Variants in LINGO2 observed in about 807,000 individuals in gnomAD.
LINGO2 encodes the protein leucine-rich repeat and immunoglobulin-like domain-containing nogo receptor-interacting protein 2.
A neutral mutation model predicts 30.6 loss-of-function variants in LINGO2; 14 were observed. The ratio of observed to expected loss-of-function variants is 0.46; its 90% CI spans 0.30 to 0.72. The LOEUF is 0.72. Ranked by LOEUF, LINGO2 falls within the 30% of genes least tolerant of loss-of-function variation. The pLI, the probability that LINGO2 is intolerant of heterozygous loss-of-function variation, is 0.07. For missense variants in LINGO2, 729 were observed against 751.7 expected, an observed-to-expected ratio of 0.97 and a Z score of 0.35; for synonymous variants, 317 against 288.5, an observed-to-expected ratio of 1.10 and a Z score of -1.00.
rs1056926936 is a variant in LINGO2, at chr9:28,664,640, A to G, written c.-365+5560T>C. Among the ~76,000 whole-genome samples, 6 of 152,048 alleles carry G rather than the reference A, an allele frequency of 3.9e-5. No individual in the cohort carries two copies. In the South Asian group the frequency reaches 6.2e-4, roughly 16 times the overall value. Reference sequence around the variant, plus strand: ...AGAAACATACACAAATTTTCATCAAATGGCTATCGCACAGAACCAAGGAAT... The same window carrying G: ...AGAAACATACACAAATTTTCATCAAGTGGCTATCGCACAGAACCAAGGAAT... On this transcript the variant is annotated intron_variant, in intron 1 of 5. Transcript: ENST00000379992.
At chr9:28,378,316 A>T (rs1421688605) in intron 2 of LINGO2, among the ~76,000 whole-genome samples, 1 of 152,182 alleles carries the variant, frequency 6.6e-6, no homozygotes, top group Non-Finnish European at 1.5e-5. Context: ...AAGGTTATTT[A>T]TGCCATTTTA....
At chr9:28,448,889 C>G (rs1038109293) in intron 2 of LINGO2, among the ~76,000 whole-genome samples, 20 of 151,982 alleles carry the variant, frequency 1.3e-4, no homozygotes, top group Admixed American at 6.6e-4. Context: ...AAATGTAGGA[C>G]AAGTCAGGGA....
chr9:28,596,619 T>C (rs186162084), intron 1 of LINGO2, among the ~76,000 whole-genome samples: 14 of 152,344 alleles, frequency 9.2e-5, no homozygotes, highest in Admixed American at 7.8e-4. Flanking sequence ...AGAATCCAAC[T>C]GTATTTTGTA....
chr9:29,144,891 CT>C, the LINGO2 span, among the ~76,000 whole-genome samples: 1 of 151,956 alleles, frequency 6.6e-6, no homozygotes, highest in South Asian at 2.1e-4. Flanking sequence ...ATTACTGTGG[CT>C]TTTTTTGCTG....
At chr9:28,276,560 A>G (rs1323113251) in intron 4 of LINGO2, among the ~76,000 whole-genome samples, 1 of 152,198 alleles carries the variant, frequency 6.6e-6, no homozygotes, top group Non-Finnish European at 1.5e-5. Flanking sequence ...TCTGTCTGCC[A>G]CCATACTCTT....
At chr9:28,296,903 A>AT (rs1361257084) in intron 3 of LINGO2, among the ~76,000 whole-genome samples, 2 of 152,148 alleles carry the variant, frequency 1.3e-5, no homozygotes, top group African/African-American at 2.4e-5. Context: ...TCATGCCAAC[A>AT]TTTTTTTCTA....
the LINGO2 span, among the ~76,000 whole-genome samples, chr9:28,790,570 G>A: frequency 6.6e-6 from 1 of 151,342 alleles, no homozygotes; most frequent in Non-Finnish European, 1.5e-5. Context: ...TCCTGACGTC[G>A]TGATCCACAC....
the LINGO2 span, among the ~76,000 whole-genome samples, chr9:29,187,242 G>T: frequency 6.6e-6 from 1 of 152,116 alleles, no homozygotes; most frequent in Non-Finnish European, 1.5e-5. Flanking sequence ...CTTTAAAAAT[G>T]AATATATACA....
intron 1 of LINGO2, among the ~76,000 whole-genome samples, chr9:28,535,641 C>T (rs545458644): frequency 4.7e-4 from 72 of 151,978 alleles, no homozygotes; most frequent in Non-Finnish European, 8.8e-4. Flanking sequence ...CAGAGAAATA[C>T]TGAATAATAC....
intron 1 of LINGO2, among the ~76,000 whole-genome samples, chr9:28,622,392 T>C (rs1009919492): frequency 6.6e-6 from 1 of 151,986 alleles, no homozygotes. Flanking sequence ...TAATTAATAT[T>C]AAAATTGTTT....
intron 2 of LINGO2, among the ~76,000 whole-genome samples, chr9:28,426,379 A>G (rs1226410695): frequency 6.6e-6 from 1 of 152,162 alleles, no homozygotes; most frequent in Non-Finnish European, 1.5e-5. Context: ...CTGAAAAAGA[A>G]GTAACATTTT....
chr9:28,305,616 T>C lies in LINGO2; in HGVS notation c.-245-10250A>G, dbSNP rs368929259. ...ATTTACACAAAAAAGTTCCCAATAA[T>C]ATAAAATTAAATGAAATACATGGGG... On this transcript the variant is annotated intron_variant, in intron 3 of 5. Coordinates refer to ENST00000379992, the Ensembl canonical transcript of LINGO2. Among the ~76,000 whole-genome samples the C allele has an allele frequency of 1.2e-4, 18 of 152,106 alleles. 1 individual carries two copies. The highest frequency in any genetic ancestry group is 4.3e-4 in the African/African-American group (18 of 41,534).
the LINGO2 span, among the ~76,000 whole-genome samples, chr9:28,953,915 C>A: frequency 6.6e-5 from 10 of 152,026 alleles, no homozygotes; most frequent in Admixed American, 6.6e-4. Context: ...GATCATCATG[C>A]ACTGGTGATC....
chr9:28,670,456 G>A (rs1382419984), upstream of LINGO2, among the ~76,000 whole-genome samples: 7 of 152,110 alleles, frequency 4.6e-5, no homozygotes, highest in Non-Finnish European at 7.4e-5. Flanking sequence ...TGAAAATTAT[G>A]TCTGTCTGGG....
intron 1 of LINGO2, among the ~76,000 whole-genome samples, chr9:28,554,348 C>A (rs993717440): frequency 1.8e-4 from 26 of 147,820 alleles, no homozygotes; most frequent in Middle Eastern, 3.4e-3. Flanking sequence ...GGGTTGCAAT[C>A]CTAGTCTCTG....
intron 1 of LINGO2, among the ~76,000 whole-genome samples, chr9:28,627,956 A>G (rs1826757584): frequency 6.6e-6 from 1 of 152,074 alleles, no homozygotes; most frequent in Non-Finnish European, 1.5e-5. Context: ...GGCAGAAAGA[A>G]AAAAGTTTTT....
intron 4 of LINGO2, among the ~76,000 whole-genome samples, chr9:28,271,219 TTTTA>T (rs1368582424): frequency 1.3e-5 from 2 of 152,084 alleles, no homozygotes; most frequent in Non-Finnish European, 2.9e-5. Flanking sequence ...AAAATAATTG[TTTTA>T]TTGTTTCTAA....
intron 1 of LINGO2, among the ~76,000 whole-genome samples, chr9:28,626,738 T>C (rs570953123): frequency 6.6e-6 from 1 of 152,176 alleles, no homozygotes; most frequent in African/African-American, 2.4e-5. Flanking sequence ...GTGGCATTTA[T>C]TCAGCTTCAC....
intron 2 of LINGO2, among the ~76,000 whole-genome samples, chr9:28,440,397 G>A (rs954112212): frequency 1.4e-4 from 21 of 152,166 alleles, no homozygotes; most frequent in Admixed American, 2.0e-4. Context: ...GTTCACTTCC[G>A]GAAAAATGTC....
Sources: allele counts gnomAD v4.1 joint callset (sites outside exome capture counted in the v4.1 genomes callset), GRCh38; gene constraint gnomAD v4.1.1; transcripts MANE v1.5; gene names NCBI Gene and HGNC (gene_info 2026-07-23, HGNC 2026-07-21).